Variants in SNX8 observed in about 807,000 individuals in gnomAD.
The protein encoded by SNX8 is sorting nexin-8.
SNX8 carries 25 observed loss-of-function variants against 51.6 expected under a neutral mutation model. The ratio of observed to expected loss-of-function variants is 0.48; its 90% CI spans 0.35 to 0.68. SNX8 has a LOEUF of 0.68. Among genes scored for constraint, SNX8 ranks in the 30% least tolerant of loss-of-function variants. The pLI is 0.00. For synonymous variants in SNX8, 324 were observed against 277.0 expected (o/e 1.17, Z -1.68); for missense variants, 695 against 624.0 (o/e 1.11, Z -1.21).
chr7:2,299,721 G>C (rs1796350864), intron 1 of SNX8, among the ~76,000 whole-genome samples: 1 of 152,044 alleles, frequency 6.6e-6, no homozygotes, highest in Non-Finnish European at 1.5e-5. Flanking sequence ...GGTTTGGTCT[G>C]AAAGTGACTC....
At position 2,275,157 on chromosome 7, in the gene SNX8, G is replaced by A. The variant is rs779640779; in HGVS notation, c.373C>T (p.Pro125Ser). Residue 125 changes from proline (P) to serine (S), a missense_variant, in exon 3 of 11, where the codon CCC (proline) becomes TCC (serine). Transcript: ENST00000222990. ...GGCAGGGCAGGCACCATACGGTAGG[G>A]GAACTTGTGCAGGAGCATCTCCTGG... Reference protein sequence around the residue: ...VFQEMLLHKFPYRMVPALPPK... With the variant: ...VFQEMLLHKFSYRMVPALPPK... 1.2e-6 allele frequency: 2 copies of A among 1,614,186 alleles called. No individual in the cohort carries two copies. The highest frequency in any genetic ancestry group is 1.7e-6 in the Non-Finnish European group (2 of 1,180,010).
At chr7:2,284,135 G>A (rs894796045) in intron 1 of SNX8, among the ~76,000 whole-genome samples, 6 of 152,090 alleles carry the variant, frequency 3.9e-5, no homozygotes, top group Non-Finnish European at 7.4e-5. Context: ...TCACCATGTT[G>A]TCCAGGCTAG....
intron 1 of SNX8, among the ~76,000 whole-genome samples, chr7:2,326,434 G>A (rs1778622605): frequency 6.6e-6 from 1 of 152,080 alleles, no homozygotes; most frequent in Non-Finnish European, 1.5e-5. Flanking sequence ...GGAAGGCCAA[G>A]GCGGGCAGAT....
At position 2,314,412 on chromosome 7, in the gene SNX8, G is replaced by T; in HGVS notation, c.10C>A (p.Arg4Ser). The T allele has an allele frequency of 8.2e-7, 1 of 1,217,214 alleles. No homozygotes were observed. Among genetic ancestry groups the T allele is most frequent in the African/African-American group, 1.6e-5 (1 of 63,818 alleles). The allele number at this position is 1,217,214 out of a possible 1,614,324, so 75.4% of individuals were successfully genotyped here. Reference protein sequence around the residue: MTGRAMDPLPAAAV... With the variant: MTGSAMDPLPAAAV... The stretch of plus-strand genomic sequence containing the variant: ...GCCGCGGGCAGCGGGTCCATCGCGC[G>T]GCCAGTCATGTGAGCCCGCGCTCCC... Residue 4 changes from arginine (R) to serine (S), a missense_variant, in exon 1 of 11, where the codon CGC (arginine) becomes AGC (serine). Coordinates refer to ENST00000222990, the MANE Select transcript of SNX8 (RefSeq NM_013321.4).
At chr7:2,330,716 G>A (rs1474512047) in intron 1 of SNX8, among the ~76,000 whole-genome samples, 2 of 152,044 alleles carry the variant, frequency 1.3e-5, no homozygotes, top group African/African-American at 4.8e-5. Flanking sequence ...TGCTTGATCT[G>A]TGGGAAACCC....
intron 1 of SNX8, among the ~76,000 whole-genome samples, chr7:2,348,169 T>G (rs1472060184): frequency 1.3e-5 from 2 of 152,012 alleles, no homozygotes; most frequent in African/African-American, 4.8e-5. Context: ...CGGGCTAAGA[T>G]CGCCATCTGT....
At chr7:2,306,222 A>G (rs1032730017) in intron 1 of SNX8, among the ~76,000 whole-genome samples, 1 of 152,002 alleles carries the variant, frequency 6.6e-6, no homozygotes, top group Non-Finnish European at 1.5e-5. Context: ...GCTCACTGCA[A>G]CCTCGAGCAA....
chr7:2,311,859 C>T (rs1796664194), intron 1 of SNX8, among the ~76,000 whole-genome samples: 1 of 151,830 alleles, frequency 6.6e-6, no homozygotes, highest in South Asian at 2.1e-4. Context: ...ATGGCATGAA[C>T]CCGGGAGGCA....
At chr7:2,320,195 A>G (rs1375844985) in intron 1 of SNX8, among the ~76,000 whole-genome samples, 1 of 151,750 alleles carries the variant, frequency 6.6e-6, no homozygotes. Context: ...CTCTCTACTA[A>G]AAATACAAAA....
intron 1 of SNX8, among the ~76,000 whole-genome samples, chr7:2,310,297 C>T (rs1301909927): frequency 6.6e-6 from 1 of 152,074 alleles, no homozygotes; most frequent in African/African-American, 2.4e-5. Flanking sequence ...CAGAATGTTC[C>T]GGTCAATCAG....
intron 7 of SNX8, among the ~76,000 whole-genome samples, chr7:2,262,341 T>G (rs890060918): frequency 1.3e-5 from 2 of 152,128 alleles, no homozygotes; most frequent in Non-Finnish European, 2.9e-5. Context: ...TGCCCAGCCA[T>G]GTAACACTTT....
chr7:2,335,930 C>G (rs984368412), intron 1 of SNX8, among the ~76,000 whole-genome samples: 18 of 151,438 alleles, frequency 1.2e-4, no homozygotes, highest in Admixed American at 5.9e-4. Flanking sequence ...GGTGAAACCC[C>G]ATCTCTACTA....
chr7:2,300,354 G>A (rs921837078), intron 1 of SNX8, among the ~76,000 whole-genome samples: 1 of 152,178 alleles, frequency 6.6e-6, no homozygotes, highest in Non-Finnish European at 1.5e-5. Flanking sequence ...GAAACAGACT[G>A]TCTACACCCA....
chr7:2,350,917 G>A (rs1731506064), intron 1 of SNX8, among the ~76,000 whole-genome samples: 1 of 152,192 alleles, frequency 6.6e-6, no homozygotes, highest in South Asian at 2.1e-4. Context: ...AAAGTGCTGG[G>A]ATTACCGGTG....
At position 2,348,501 on chromosome 7, in the gene SNX8, C is replaced by T. The variant is rs576305381; in HGVS notation, c.-66+5721G>A. Among the ~76,000 whole-genome samples, 26 of 151,852 alleles carry T rather than the reference C, an allele frequency of 1.7e-4. No homozygotes were observed. In the South Asian group the frequency reaches 2.3e-3, roughly 13 times the overall value. On this transcript the variant is annotated intron_variant, in intron 1 of 5. Coordinates refer to the SNX8 transcript ENST00000435336. ...GACTACAGGCGCCCGCCACCAGGCC[C>T]GGCTAATTTTTTTGTATTTTCAGTA...
At chr7:2,306,582 T>G (rs1309425431) in intron 1 of SNX8, among the ~76,000 whole-genome samples, 1 of 152,136 alleles carries the variant, frequency 6.6e-6, no homozygotes, top group South Asian at 2.1e-4. Context: ...GGTAGAAAAT[T>G]ACGAAAACTA....
At chr7:2,270,038 G>T (rs139106650) in intron 4 of SNX8, among the ~76,000 whole-genome samples, 5 of 152,222 alleles carry the variant, frequency 3.3e-5, no homozygotes, top group African/African-American at 1.2e-4. Flanking sequence ...TTCCAAAAAC[G>T]CAATAGAACA....
At chr7:2,285,168 C>T (rs899736614) in intron 1 of SNX8, among the ~76,000 whole-genome samples, 9 of 148,124 alleles carry the variant, frequency 6.1e-5, no homozygotes, top group African/African-American at 1.7e-4. Flanking sequence ...GCCGAGATGG[C>T]GCCACTGCAC....
intron 2 of SNX8, among the ~76,000 whole-genome samples, chr7:2,277,527 G>A (rs1464641580): frequency 2.6e-5 from 4 of 152,252 alleles, no homozygotes; most frequent in Non-Finnish European, 5.9e-5. Flanking sequence ...CAGGCCGGGC[G>A]CGGTGGCTCA....
Sources: gnomAD v4.1 joint callset for allele counts (sites outside exome capture counted in the v4.1 genomes callset) on GRCh38, gnomAD v4.1.1 for gene constraint, MANE v1.5 for transcripts, NCBI Gene and HGNC (gene_info 2026-07-23, HGNC 2026-07-21) for gene names.